QDPR: variants seen among roughly 807,000 people sequenced by gnomAD.
QDPR encodes the protein dihydropteridine reductase.
In QDPR, 23 loss-of-function variants were observed where a neutral mutation model predicts 31.7. The observed-to-expected ratio is 0.73, with a 90% CI of 0.52 to 1.03. QDPR has a LOEUF of 1.03. Among genes scored for constraint, QDPR ranks in the 50% least tolerant of loss-of-function variants. QDPR has a pLI of 0.00. For missense variants in QDPR, 324 were observed against 323.8 expected (o/e 1.00, Z 0.00); for synonymous variants, 124 against 124.7 (o/e 0.99, Z 0.03).
At chr4:17,489,299 C>T (rs1718075990) in intron 6 of QDPR, among the ~76,000 whole-genome samples, 1 of 152,186 alleles carries the variant, frequency 6.6e-6, no homozygotes, top group South Asian at 2.1e-4. Context: ...ACAGCCCGTC[C>T]TCTGTGGGTC....
chr4:17,504,819 C>A (rs1239868065), intron 2 of QDPR, among the ~76,000 whole-genome samples: 1 of 151,784 alleles, frequency 6.6e-6, no homozygotes, highest in East Asian at 1.9e-4. Flanking sequence ...ACTGCCTGCA[C>A]ATAGTTAACA....
At chr4:17,511,751 C>T (rs1719016684) in intron 1 of QDPR, among the ~76,000 whole-genome samples, 199 bp downstream of exon 1, 1 of 152,210 alleles carries the variant, frequency 6.6e-6, no homozygotes, top group South Asian at 2.1e-4. Context: ...ACAGCAAAGG[C>T]CCAGCGCCCT....
rs1400278797 is a variant in QDPR at position 17,501,602 on chromosome 4, C to A, written c.436+117G>T. The A allele has an allele frequency of 4.5e-5, 55 of 1,219,228 alleles. No homozygotes were observed. In the South Asian group the frequency reaches 6.2e-4, roughly 14 times the overall value. 75.5% of individuals were successfully genotyped at this position (1,219,228 alleles called of 1,614,324 possible). A position where few individuals can be genotyped will look rare whatever the true frequency, so the allele number is the denominator to read the frequency against. On this transcript the variant is annotated intron_variant, in intron 4 of 6. Transcript: ENST00000281243. Reference sequence around the variant, plus strand: ...CCAAAAGAAGACAAAATCCATCTATCTGTTAAGCAGCTTAGAGGGTAAAGG... The same window carrying A: ...CCAAAAGAAGACAAAATCCATCTATATGTTAAGCAGCTTAGAGGGTAAAGG...
At chr4:17,509,246 T>A in intron 2 of QDPR, 25 bp downstream of exon 2, 1 of 1,589,988 alleles carries the variant, frequency 6.3e-7, no homozygotes, top group Non-Finnish European at 8.6e-7. Flanking sequence ...CCCCTCACAA[T>A]GTTTGGGGGC....
intron 4 of QDPR, among the ~76,000 whole-genome samples, chr4:17,499,746 C>T (rs1334842879): frequency 6.6e-6 from 1 of 152,104 alleles, no homozygotes; most frequent in Non-Finnish European, 1.5e-5. Flanking sequence ...ATAGCGAGAC[C>T]CTGCTTCTAC....
intron 2 of QDPR, 57 bp from the exon 3 acceptor site, chr4:17,504,532 C>T: frequency 3.0e-6 from 4 of 1,352,186 alleles, no homozygotes; most frequent in Non-Finnish European, 3.2e-6. Context: ...CACAGGCTAG[C>T]ATCTTTACGG....
intron 6 of QDPR, among the ~76,000 whole-genome samples, chr4:17,489,816 A>G (rs1210965889): frequency 1.3e-5 from 2 of 152,244 alleles, no homozygotes; most frequent in African/African-American, 2.4e-5. Context: ...ACATCAGGCC[A>G]GAAGCACACT....
At chr4:17,492,424 A>G in intron 4 of QDPR, 84 bp from the exon 5 acceptor site, 1 of 1,115,888 alleles carries the variant, frequency 9.0e-7, no homozygotes, top group South Asian at 1.3e-5. Flanking sequence ...TGAGATCTCT[A>G]TTCCCTAAAA....
intron 6 of QDPR, among the ~76,000 whole-genome samples, chr4:17,488,955 T>C (rs1478517871): frequency 1.3e-5 from 2 of 152,212 alleles, no homozygotes; most frequent in Admixed American, 6.5e-5. Context: ...TGCCGTTTGG[T>C]TGTGTAGGGT....
chr4:17,496,464 A>C (rs1437732598), intron 4 of QDPR, among the ~76,000 whole-genome samples: 7 of 136,428 alleles, frequency 5.1e-5, no homozygotes, highest in South Asian at 2.3e-4. Context: ...AAAAAAAAAA[A>C]AAAAAAAAGA....
In QDPR at chr4:17,511,963, C is replaced by T. The variant is rs765204282; in HGVS notation, c.92G>A (p.Arg31Gln). Residue 31 changes from arginine (R) to glutamine (Q), a missense_variant, in exon 1 of 7, where the codon CGG becomes CAG. Physicochemically the swap from Arg to Gln is conservative, Grantham distance 43. Transcript: ENST00000281243. Reference protein sequence around the residue: ...ALGSRCVQAFRARNWWVASVD... With the variant: ...ALGSRCVQAFQARNWWVASVD... ...CCGCAGCATTACCCAGTTGCGGGCC[C>T]GAAAAGCCTGCACGCATCGAGAACC... is the stretch of plus-strand genomic sequence containing the variant. The T allele has an allele frequency of 6.2e-6, 10 of 1,610,900 alleles. No homozygotes were observed. Among genetic ancestry groups the T allele is most frequent in the Non-Finnish European group, 6.8e-6 (8 of 1,179,148 alleles).
chr4:17,505,639 C>T (rs1223037010), intron 2 of QDPR, among the ~76,000 whole-genome samples: 1 of 152,154 alleles, frequency 6.6e-6, no homozygotes, highest in Non-Finnish European at 1.5e-5. Flanking sequence ...ATCACTTGAG[C>T]CCAGGAGTTC....
At chr4:17,499,490 A>T (rs1316677285) in intron 4 of QDPR, among the ~76,000 whole-genome samples, 1 of 152,230 alleles carries the variant, frequency 6.6e-6, no homozygotes, top group Admixed American at 6.5e-5. Flanking sequence ...CCAACCAGAC[A>T]GCTAACATTT....
chr4:17,495,829 T>C (rs6819744), intron 4 of QDPR, among the ~76,000 whole-genome samples: 100,383 of 151,362 alleles, frequency 0.66, 33,428 homozygotes, highest in African/African-American at 0.72. Flanking sequence ...GGCAACATGG[T>C]GAAACCCTGT....
Position 17,487,123 on chromosome 4 carries a change from G to A in QDPR, c.*8C>T. 1.2e-6 allele frequency: 2 copies of A among 1,609,082 alleles called. No individual in the cohort carries two copies. Among genetic ancestry groups the A allele is most frequent in the East Asian group, 4.5e-5 (2 of 44,874 alleles). On this transcript the variant is annotated 3_prime_UTR_variant, in exon 7 of 7. Coordinates refer to ENST00000281243, the MANE Select transcript of QDPR (RefSeq NM_000320.3). ...CTGGCAGGCCCCTCATAGGCACTGA[G>A]ATGAGGCCTAAAAATATGCTGGGGT...
intron 3 of QDPR, among the ~76,000 whole-genome samples, chr4:17,502,632 C>T (rs1273626737): frequency 6.6e-6 from 1 of 152,234 alleles, no homozygotes; most frequent in Non-Finnish European, 1.5e-5. Context: ...AACCTGATCA[C>T]CTCACAAAGC....
chr4:17,494,184 T>G (rs1318660166), intron 4 of QDPR, among the ~76,000 whole-genome samples: 2 of 152,028 alleles, frequency 1.3e-5, no homozygotes, highest in Non-Finnish European at 2.9e-5. Flanking sequence ...AACAATCAAA[T>G]AAAATACCAT....
intron 6 of QDPR, among the ~76,000 whole-genome samples, chr4:17,488,690 C>T (rs1174584334): frequency 6.6e-6 from 1 of 152,194 alleles, no homozygotes; most frequent in Non-Finnish European, 1.5e-5. Flanking sequence ...AGACTTCGGA[C>T]CTTCATTAAC....
intron 3 of QDPR, 131 bp downstream of exon 3, chr4:17,504,248 C>T (rs953487494): frequency 1.3e-5 from 10 of 770,140 alleles, no homozygotes; most frequent in Non-Finnish European, 1.8e-5. Context: ...ATCACTCTCT[C>T]CCCGAGCAAC....
Sources: allele counts gnomAD v4.1 joint callset (sites outside exome capture counted in the v4.1 genomes callset), GRCh38; gene constraint gnomAD v4.1.1; transcripts MANE v1.5; gene names NCBI Gene and HGNC (gene_info 2026-07-23, HGNC 2026-07-21).